RCN2: variants seen among roughly 807,000 people sequenced by gnomAD.
RCN2 encodes reticulocalbin-2.
In RCN2, 23 loss-of-function variants were observed where a neutral mutation model predicts 37.5. That is an observed-to-expected ratio of 0.61 (90% CI 0.44 to 0.87). The LOEUF is 0.87. Ranked by LOEUF, RCN2 falls within the 40% of genes least tolerant of loss-of-function variation. RCN2 has a pLI of 0.00. For synonymous variants in RCN2, 140 were observed against 144.6 expected (o/e 0.97, Z 0.23); for missense variants, 381 against 390.4 (o/e 0.98, Z 0.20).
Position 76,948,706 on chromosome 15 carries a change from T to C in RCN2, c.801+154T>C, listed in dbSNP as rs1429347037. On this transcript the variant is annotated intron_variant, in intron 6 of 6. Coordinates refer to ENST00000394885, the MANE Select transcript of RCN2 (RefSeq NM_002902.3). The stretch of plus-strand genomic sequence containing the variant: ...CTATGTTTTGAATTTACGAACTGTT[T>C]AGATTGTCAGGGAGACGAGGAAGTT... The C allele has an allele frequency of 2.7e-5, 18 of 675,714 alleles. No homozygotes were observed. In the East Asian group the frequency reaches 3.4e-4, roughly 13 times the overall value. 41.9% of individuals were successfully genotyped at this position (675,714 alleles called of 1,614,324 possible).
chr15:76,948,259 T>A (rs1224249654), intron 5 of RCN2, 151 bp from the exon 6 acceptor site: 1 of 475,744 alleles, frequency 2.1e-6, no homozygotes, highest in Admixed American at 3.8e-5. Flanking sequence ...TTTGTTCTTA[T>A]GTCAGGACTT....
At chr15:76,939,260 AAATAAATAAATAAAT>A (rs2075267217) in intron 3 of RCN2, among the ~76,000 whole-genome samples, 2 of 151,026 alleles carry the variant, frequency 1.3e-5, no homozygotes, top group African/African-American at 4.9e-5. Flanking sequence ...ATAAATAAAT[AAATAAATAAATAAAT>A]AAAAATTTCC....
chr15:76,934,557 A>C (rs1049256237), intron 2 of RCN2, among the ~76,000 whole-genome samples: 6 of 152,252 alleles, frequency 3.9e-5, no homozygotes, highest in African/African-American at 1.4e-4. Flanking sequence ...ATAAATTGCT[A>C]CCCATAACTT....
Position 76,949,333 on chromosome 15 carries a change from G to A in RCN2, c.*111G>A. ...TTTACACTCTTAAGTCTTAACCACAGTCAGAATTATCTTAATGTAGATTAT... is the reference window on the plus strand; with the variant it reads ...TTTACACTCTTAAGTCTTAACCACAATCAGAATTATCTTAATGTAGATTAT... On this transcript the variant is annotated 3_prime_UTR_variant, in exon 7 of 7. Transcript: ENST00000394885. 1.4e-6 allele frequency: 1 copy of A among 711,888 alleles called. No individual in the cohort carries two copies. The highest frequency in any genetic ancestry group is 2.0e-6 in the Non-Finnish European group (1 of 488,688). The allele number at this position is 711,888 out of a possible 1,614,324, so 44.1% of individuals were successfully genotyped here. A position where few individuals can be genotyped will look rare whatever the true frequency, so the allele number is the denominator to read the frequency against.
intron 3 of RCN2, chr15:76,941,669 T>G (rs1319501367): frequency 6.6e-7 from 1 of 1,505,046 alleles, no homozygotes; most frequent in East Asian, 2.5e-5. Context: ...AGTCTTTCTG[T>G]TTTTGGCTTC....
chr15:76,935,501 G>A (rs375407064), intron 2 of RCN2, 25 bp from the exon 3 acceptor site: 27 of 1,571,708 alleles, frequency 1.7e-5, no homozygotes, highest in South Asian at 1.2e-4. Flanking sequence ...CGTCACATGC[G>A]TTGTGTTCTG....
Position 76,932,375 on chromosome 15 carries a change from A to G in RCN2, c.159A>G (p.Glu53=), listed in dbSNP as rs557795097. ...TCCCCCTAAAGGAAGATGTGGATGA[A>G]TATGTTAAACTCGGCCACGAAGAGC... ...ALLGVQEDVD[E]YVKLGHEEQQ... The change falls in exon 2 of 7, where the codon GAA becomes GAG. Residue 53 remains glutamate (E), a synonymous_variant. Transcript: ENST00000394885. The G allele has an allele frequency of 9.9e-6, 16 of 1,613,566 alleles. No individual in the cohort carries two copies. The highest frequency in any genetic ancestry group is 8.8e-5 in the South Asian group (8 of 91,054).
At chr15:76,948,013 C>G (rs918039173) in intron 5 of RCN2, 6 of 163,182 alleles carry the variant, frequency 3.7e-5, no homozygotes, top group Admixed American at 1.9e-4. Flanking sequence ...AAATTGGTCA[C>G]CAGTTTTACT....
rs750431556 is a variant in RCN2, at chr15:76,947,407, T to C, written c.562-14T>C. ...TGTAACTTTTTTTTTTCTTTTTTAA[T>C]GAACGTGGAATAGGAATTTGTCATT... On this transcript the variant is annotated splice_polypyrimidine_tract_variant and intron_variant, in intron 4 of 6. Coordinates refer to ENST00000394885, the MANE Select transcript of RCN2 (RefSeq NM_002902.3). 3.3e-6 allele frequency: 5 copies of C among 1,525,864 alleles called. No homozygotes were observed. The highest frequency in any genetic ancestry group is 4.5e-6 in the Non-Finnish European group (5 of 1,120,794). The allele number at this position is 1,525,864 out of a possible 1,614,324, so 94.5% of individuals were successfully genotyped here.
intron 2 of RCN2, among the ~76,000 whole-genome samples, 160 bp from the exon 3 acceptor site, chr15:76,935,366 C>G (rs1383654199): frequency 6.6e-6 from 1 of 152,128 alleles, no homozygotes; most frequent in African/African-American, 2.4e-5. Context: ...TTCTAAACAG[C>G]CTTTCCCACT....
intron 4 of RCN2, among the ~76,000 whole-genome samples, chr15:76,945,511 T>C (rs2075293074): frequency 6.6e-6 from 1 of 152,186 alleles, no homozygotes; most frequent in South Asian, 2.1e-4. Flanking sequence ...GAATTGTAAG[T>C]TTAACTCAAC....
At chr15:76,937,876 T>C (rs966321389) in intron 3 of RCN2, among the ~76,000 whole-genome samples, 2 of 152,192 alleles carry the variant, frequency 1.3e-5, no homozygotes, top group Non-Finnish European at 2.9e-5. Context: ...TAAAAGTATA[T>C]CAACAGAAAT....
chr15:76,941,765 T>G (rs1297237079), intron 3 of RCN2: 1 of 780,718 alleles, frequency 1.3e-6, no homozygotes, highest in East Asian at 3.1e-5. Flanking sequence ...CTTCACTTTT[T>G]TTTTTTTTAA....
chr15:76,938,284 ACTC>A (rs567594980), intron 3 of RCN2, among the ~76,000 whole-genome samples: 34 of 152,290 alleles, frequency 2.2e-4, no homozygotes, highest in African/African-American at 7.7e-4. Flanking sequence ...ACAATGATTT[ACTC>A]CTCATTTAAA....
chr15:76,947,085 C>T (rs1200591648), intron 4 of RCN2, among the ~76,000 whole-genome samples: 3 of 152,060 alleles, frequency 2.0e-5, no homozygotes, highest in African/African-American at 7.2e-5. Flanking sequence ...GAGAGATGTG[C>T]GGAAAATAGC....
At chr15:76,938,124 A>G (rs2152650130) in intron 3 of RCN2, among the ~76,000 whole-genome samples, 1 of 152,326 alleles carries the variant, frequency 6.6e-6, no homozygotes. Flanking sequence ...AAATAAAATC[A>G]AACATGCTGT....
intron 2 of RCN2, among the ~76,000 whole-genome samples, chr15:76,934,202 A>G (rs539504770): frequency 6.6e-6 from 1 of 151,450 alleles, no homozygotes. Flanking sequence ...GGCGTGCAGT[A>G]GTGTGATCTT....
At chr15:76,937,056 T>A (rs2075253624) in intron 3 of RCN2, among the ~76,000 whole-genome samples, 1 of 152,232 alleles carries the variant, frequency 6.6e-6, no homozygotes, top group Non-Finnish European at 1.5e-5. Context: ...TGTAACTGGC[T>A]TATTTTTACT....
rs1466732072 is a variant in RCN2, at chr15:76,949,070, G to T, written c.802G>T (p.Ala268Ser). ...PNNQGIAQEE[A>S]LHLIDEMDLN... ...GACACTTTTTTGTTTTATTTTGAAG[G>T]CGCTTCATCTAATTGATGAAATGGA... The change falls in exon 7 of 7, where the codon GCG becomes TCG. Residue 268 changes from alanine to serine, a missense_variant and splice_region_variant. Coordinates refer to ENST00000394885, the MANE Select transcript of RCN2 (RefSeq NM_002902.3). The T allele has an allele frequency of 6.3e-7, 1 of 1,586,336 alleles. No individual in the cohort carries two copies. The highest frequency in any genetic ancestry group is 1.9e-5 in the Admixed American group (1 of 53,064).
Sources: allele counts gnomAD v4.1 joint callset (sites outside exome capture counted in the v4.1 genomes callset), GRCh38; gene constraint gnomAD v4.1.1; transcripts MANE v1.5; gene names NCBI Gene and HGNC (gene_info 2026-07-23, HGNC 2026-07-21).